Variants in ARHGEF11 observed in about 807,000 individuals in gnomAD.
The protein encoded by ARHGEF11 is Rho guanine exchange factor (GEF) 11.
ARHGEF11 carries 55 observed loss-of-function variants against 193.7 expected under a neutral mutation model. The observed-to-expected ratio is 0.28, with a 90% CI of 0.23 to 0.36. The LOEUF (loss-of-function observed/expected upper bound fraction) is 0.36. Among genes scored for constraint, ARHGEF11 ranks in the 10% least tolerant of loss-of-function variants. ARHGEF11 has a pLI of 1.00. For missense variants in ARHGEF11, 1,723 were observed against 2,005.6 expected (o/e 0.86, Z 2.69); for synonymous variants, 693 against 768.0 (o/e 0.90, Z 1.62).
At chr1:156,942,548 C>T in intron 33 of ARHGEF11, 142 bp downstream of exon 33, 1 of 697,190 alleles carries the variant, frequency 1.4e-6, no homozygotes, top group South Asian at 1.8e-5. Context: ...CTACTTCTGT[C>T]CTACCTCCCA....
intron 1 of ARHGEF11, among the ~76,000 whole-genome samples, chr1:157,037,737 A>C (rs1336701885): frequency 2.6e-5 from 4 of 152,176 alleles, no homozygotes; most frequent in Non-Finnish European, 5.9e-5. Flanking sequence ...CCCAACAAGC[A>C]TTTAGGCTTG....
At chr1:156,964,708 G>A (rs1661459509) in intron 11 of ARHGEF11, among the ~76,000 whole-genome samples, 1 of 152,124 alleles carries the variant, frequency 6.6e-6, no homozygotes, top group Admixed American at 6.6e-5. Flanking sequence ...CAGACTGACT[G>A]GTGTGCTCAA....
chr1:156,993,608 C>G (rs1441854936), intron 1 of ARHGEF11, among the ~76,000 whole-genome samples: 1 of 152,128 alleles, frequency 6.6e-6, no homozygotes, highest in East Asian at 1.9e-4. Flanking sequence ...CAGATAAAGT[C>G]CATACTTACT....
intron 31 of ARHGEF11, 122 bp downstream of exon 31, chr1:156,944,236 T>A: frequency 7.0e-7 from 1 of 1,429,258 alleles, no homozygotes; most frequent in Non-Finnish European, 9.7e-7. Context: ...TCTCTGATTA[T>A]TCCCTTCCCA....
At chr1:157,000,609 T>C (rs1387272206) in intron 1 of ARHGEF11, among the ~76,000 whole-genome samples, 1 of 152,214 alleles carries the variant, frequency 6.6e-6, no homozygotes, top group Non-Finnish European at 1.5e-5. Flanking sequence ...TTTCCCTGAG[T>C]TCATACCAAC....
intron 1 of ARHGEF11, among the ~76,000 whole-genome samples, chr1:157,001,458 T>G (rs1276971759): frequency 6.6e-6 from 1 of 152,228 alleles, no homozygotes; most frequent in Non-Finnish European, 1.5e-5. Context: ...TGTTGTTTAC[T>G]CCATTCCCTC....
intron 4 of ARHGEF11, among the ~76,000 whole-genome samples, chr1:156,979,644 G>C (rs570315519): frequency 6.6e-6 from 1 of 152,192 alleles, no homozygotes; most frequent in Non-Finnish European, 1.5e-5. Flanking sequence ...GATTACAGGC[G>C]TGAGCCACTG....
At chr1:156,938,655 T>A in intron 37 of ARHGEF11, 142 bp from the exon 38 acceptor site, 1 of 663,038 alleles carries the variant, frequency 1.5e-6, no homozygotes, top group Non-Finnish European at 2.6e-6. Context: ...CACAAGATCA[T>A]ACACGATGAC....
chr1:156,986,899 G>C (rs1431344879), intron 1 of ARHGEF11, among the ~76,000 whole-genome samples: 1 of 152,200 alleles, frequency 6.6e-6, no homozygotes, highest in Non-Finnish European at 1.5e-5. Context: ...TGGGAGGACA[G>C]GAATCTGGTC....
intron 1 of ARHGEF11, among the ~76,000 whole-genome samples, chr1:157,014,456 G>A (rs1287813892): frequency 6.6e-6 from 1 of 151,804 alleles, no homozygotes; most frequent in Non-Finnish European, 1.5e-5. Context: ...TGTCCAGGCT[G>A]GAGTGTAGTG....
chr1:157,036,207 A>T (rs897868725), intron 1 of ARHGEF11, among the ~76,000 whole-genome samples: 5 of 121,670 alleles, frequency 4.1e-5, no homozygotes, highest in African/African-American at 2.0e-4. Flanking sequence ...ATATATATAC[A>T]TATATATATA....
At chr1:156,976,021 A>G (rs1459095622) in intron 7 of ARHGEF11, among the ~76,000 whole-genome samples, 1 of 152,152 alleles carries the variant, frequency 6.6e-6, no homozygotes, top group Non-Finnish European at 1.5e-5. Flanking sequence ...ATCTTCATTC[A>G]TTCATCCATA....
intron 38 of ARHGEF11, among the ~76,000 whole-genome samples, chr1:156,937,905 T>TA (rs1655840205): frequency 6.6e-6 from 1 of 152,218 alleles, no homozygotes; most frequent in Non-Finnish European, 1.5e-5. Flanking sequence ...AGCCCTGCCC[T>TA]GCCCCTCTTC....
chr1:156,976,381 C>T (rs1226250682), intron 7 of ARHGEF11, among the ~76,000 whole-genome samples: 1 of 152,098 alleles, frequency 6.6e-6, no homozygotes, highest in African/African-American at 2.4e-5. Context: ...TTGTTCCTCC[C>T]ACTCTCCCTC....
chr1:156,966,746 T>C (rs766032872), intron 11 of ARHGEF11, among the ~76,000 whole-genome samples: 8 of 152,264 alleles, frequency 5.3e-5, no homozygotes, highest in Non-Finnish European at 7.3e-5. Context: ...GCCTGGTGCC[T>C]GCATAGCTTT....
At chr1:157,036,280 T>A (rs1444556895) in intron 1 of ARHGEF11, among the ~76,000 whole-genome samples, 1 of 150,432 alleles carries the variant, frequency 6.6e-6, no homozygotes, top group Non-Finnish European at 1.5e-5. Context: ...CCCAACTTCC[T>A]AAGGGATCTC....
At chr1:156,986,944 T>C (rs1665019470) in intron 1 of ARHGEF11, among the ~76,000 whole-genome samples, 1 of 152,168 alleles carries the variant, frequency 6.6e-6, no homozygotes, top group South Asian at 2.1e-4. Flanking sequence ...CATATTCAGC[T>C]CCAGTCCCTC....
Position 156,963,715 on chromosome 1 carries a change from G to C in ARHGEF11, c.964-121C>G, listed in dbSNP as rs1001992210. The C allele has an allele frequency of 2.0e-6, 3 of 1,491,842 alleles. No homozygotes were observed. In the African/African-American group the frequency reaches 4.2e-5, roughly 21 times the overall value. The allele number at this position is 1,491,842 out of a possible 1,614,324, so 92.4% of individuals were successfully genotyped here. A position where few individuals can be genotyped will look rare whatever the true frequency, so the allele number is the denominator to read the frequency against. On this transcript the variant is annotated intron_variant, in intron 11 of 40. Coordinates refer to ENST00000368194, the MANE Select transcript of ARHGEF11 (RefSeq NM_198236.3). ...ACAAAGCCACCCGGGTCTGGTGAAC[G>C]TTGGCATCTCACTCCCGCCCCCAAA...
In ARHGEF11 at chr1:156,986,117, T is replaced by C. The variant is rs779228355; in HGVS notation, c.89A>G (p.His30Arg). The change falls in exon 2 of 41, where the codon CAC becomes CGC. Residue 30 changes from histidine to arginine, a missense_variant. Coordinates refer to ENST00000368194, the MANE Select transcript of ARHGEF11 (RefSeq NM_198236.3). ...AGAGGCATCCGAAGGCTGGCGATGG[T>C]GGGAAGGGGACTTGCGCTCTGGTGC... is the stretch of plus-strand genomic sequence containing the variant. ...DSAPERKSPS[H>R]HRQPSDASET... 25 of 1,613,776 alleles carry C rather than the reference T, an allele frequency of 1.5e-5. No individual in the cohort carries two copies. The highest frequency in any genetic ancestry group is 2.1e-5 in the Non-Finnish European group (25 of 1,179,934).
Sources: gnomAD v4.1 joint callset for allele counts (sites outside exome capture counted in the v4.1 genomes callset) on GRCh38, gnomAD v4.1.1 for gene constraint, MANE v1.5 for transcripts, NCBI Gene and HGNC (gene_info 2026-07-23, HGNC 2026-07-21) for gene names.